Variants in RBFOX1 observed in about 807,000 individuals in gnomAD.
RBFOX1 encodes the protein RNA binding protein fox-1 homolog 1.
Under a neutral mutation model 57.7 loss-of-function variants are expected in RBFOX1, and 8 were observed. The ratio of observed to expected loss-of-function variants is 0.14; its 90% CI spans 0.08 to 0.25. RBFOX1 has a LOEUF of 0.25. RBFOX1 is among the 10% of genes least tolerant of loss of function. RBFOX1 has a pLI of 1.00. For missense variants in RBFOX1, 611 were observed against 548.5 expected (o/e 1.11, Z -1.14); for synonymous variants, 326 against 222.4 (o/e 1.47, Z -4.15).
chr16:5,433,677 A>G (rs1268781127), intron 1 of RBFOX1, among the ~76,000 whole-genome samples: 1 of 152,204 alleles, frequency 6.6e-6, no homozygotes, highest in East Asian at 1.9e-4. Context: ...TCGCAATTAC[A>G]ACGAATAAAT....
chr16:7,706,366 T>C (rs1211930275), intron 14 of RBFOX1, among the ~76,000 whole-genome samples: 1 of 152,212 alleles, frequency 6.6e-6, no homozygotes, highest in Non-Finnish European at 1.5e-5. Context: ...TGCTGCTGTA[T>C]TTTCCTTCTG....
intron 3 of RBFOX1, among the ~76,000 whole-genome samples, chr16:6,956,007 C>G (rs1282559371): frequency 2.0e-5 from 3 of 152,122 alleles, no homozygotes; most frequent in Admixed American, 1.3e-4. Context: ...GACCCGGCCT[C>G]CATCACTTTT....
intron 4 of RBFOX1, among the ~76,000 whole-genome samples, chr16:5,961,824 C>T (rs1185214058): frequency 3.9e-5 from 6 of 152,134 alleles, no homozygotes; most frequent in South Asian, 2.1e-4. Flanking sequence ...CATCATGTCC[C>T]GCCTCCCCTT....
intron 1 of RBFOX1, among the ~76,000 whole-genome samples, chr16:6,276,784 G>A (rs557087285): frequency 4.6e-5 from 7 of 150,740 alleles, no homozygotes; most frequent in Admixed American, 4.0e-4. Context: ...GTTTCCCCAC[G>A]TGTATTACAG....
chr16:5,354,755 C>A (rs574122202), intron 1 of RBFOX1, among the ~76,000 whole-genome samples: 1 of 149,774 alleles, frequency 6.7e-6, no homozygotes, highest in Non-Finnish European at 1.5e-5. Flanking sequence ...TTATTCATTT[C>A]GAAGGTACCA....
At chr16:7,289,349 C>T (rs924882233) in intron 4 of RBFOX1, among the ~76,000 whole-genome samples, 1 of 151,650 alleles carries the variant, frequency 6.6e-6, no homozygotes, top group South Asian at 2.1e-4. Context: ...CATTGCCTTA[C>T]TTTTGTGTTT....
At chr16:5,433,771 C>A (rs925341735) in intron 1 of RBFOX1, among the ~76,000 whole-genome samples, 1 of 152,160 alleles carries the variant, frequency 6.6e-6, no homozygotes, top group South Asian at 2.1e-4. Flanking sequence ...CGTAAGGTGT[C>A]AGGCCCTTCT....
chr16:7,011,667 C>A (rs921401890), intron 3 of RBFOX1, among the ~76,000 whole-genome samples: 2 of 152,154 alleles, frequency 1.3e-5, no homozygotes, highest in African/African-American at 2.4e-5. Flanking sequence ...GTGCCTGCCA[C>A]CATGCTCGGC....
At chr16:6,232,273 C>G (rs765622515) in intron 1 of RBFOX1, among the ~76,000 whole-genome samples, 1 of 152,200 alleles carries the variant, frequency 6.6e-6, no homozygotes, top group Non-Finnish European at 1.5e-5. Context: ...GGGACCTCAT[C>G]TCTGCACCAG....
chr16:6,717,236 T>C (rs1017512479), intron 3 of RBFOX1, among the ~76,000 whole-genome samples: 2 of 151,098 alleles, frequency 1.3e-5, no homozygotes, highest in South Asian at 2.1e-4. Context: ...AAGCAAACTG[T>C]TAAAAAAAAA....
At chr16:7,620,972 C>G (rs1036677383) in intron 10 of RBFOX1, among the ~76,000 whole-genome samples, 3 of 152,068 alleles carry the variant, frequency 2.0e-5, no homozygotes, top group Non-Finnish European at 4.4e-5. Context: ...TATGTAATCC[C>G]TAGCAATTTA....
At chr16:6,745,644 G>A (rs531913300) in intron 3 of RBFOX1, among the ~76,000 whole-genome samples, 1 of 152,158 alleles carries the variant, frequency 6.6e-6, no homozygotes, top group African/African-American at 2.4e-5. Context: ...AGATAAATTG[G>A]TCAATATGAT....
At chr16:7,211,085 T>TAA (rs59344460) in intron 4 of RBFOX1, among the ~76,000 whole-genome samples, 9,901 of 144,232 alleles carry the variant, frequency 0.069, 450 homozygotes, top group Non-Finnish European at 0.1. Flanking sequence ...TACATACACT[T>TAA]AAAAAAAAAA....
chr16:6,283,892 C>G (rs570755864), intron 1 of RBFOX1, among the ~76,000 whole-genome samples: 5 of 152,144 alleles, frequency 3.3e-5, no homozygotes, highest in Admixed American at 2.6e-4. Context: ...CACGCTAAAC[C>G]GACTTTGTTT....
chr16:5,263,371 G>T (rs2062782815), intron 1 of RBFOX1, among the ~76,000 whole-genome samples: 1 of 152,150 alleles, frequency 6.6e-6, no homozygotes, highest in South Asian at 2.1e-4. Flanking sequence ...AGAGCTGTCT[G>T]CAACAGAGGG....
intron 1 of RBFOX1, among the ~76,000 whole-genome samples, chr16:5,375,916 C>T (rs570856183): frequency 6.6e-6 from 1 of 152,274 alleles, no homozygotes; most frequent in Admixed American, 6.5e-5. Context: ...CCTGTAATCC[C>T]AGCACTTTGG....
chr16:6,678,371 A>C (rs1377630446), intron 3 of RBFOX1, among the ~76,000 whole-genome samples: 2 of 151,960 alleles, frequency 1.3e-5, no homozygotes, highest in Non-Finnish European at 2.9e-5. Context: ...TCATCTACCC[A>C]ACTCAGCCTC....
intron 4 of RBFOX1, among the ~76,000 whole-genome samples, chr16:7,514,892 A>G (rs1313732864): frequency 6.6e-6 from 1 of 152,166 alleles, no homozygotes; most frequent in Non-Finnish European, 1.5e-5. Flanking sequence ...CCAGGGTTAT[A>G]TATGTTCCTG....
At chr16:7,528,113 C>T (rs1277730778) in intron 5 of RBFOX1, among the ~76,000 whole-genome samples, 1 of 152,138 alleles carries the variant, frequency 6.6e-6, no homozygotes, top group Non-Finnish European at 1.5e-5. Context: ...TTTTAAGACC[C>T]AAGGACATCT....
Sources: gnomAD v4.1 joint callset for allele counts (sites outside exome capture counted in the v4.1 genomes callset) on GRCh38, gnomAD v4.1.1 for gene constraint, MANE v1.5 for transcripts, NCBI Gene and HGNC (gene_info 2026-07-23, HGNC 2026-07-21) for gene names.